The following OR2H2 variants were observed in gnomAD, a reference collection of about 807,000 sequenced individuals.
OR2H2 encodes the protein olfactory receptor 2H2.
For missense variants in OR2H2, 295 were observed against 313.7 expected, an observed-to-expected ratio of 0.94 and a Z score of 0.45; for synonymous variants, 146 against 132.4, an observed-to-expected ratio of 1.10 and a Z score of -0.71.
chr6:29,585,963 T>C (rs1460057906), intron 1 of OR2H2, among the ~76,000 whole-genome samples: 3 of 152,122 alleles, frequency 2.0e-5, no homozygotes, highest in East Asian at 1.9e-4. Context: ...TAAGAAACAA[T>C]TGGCTATTGT....
intron 1 of OR2H2, among the ~76,000 whole-genome samples, chr6:29,586,486 A>T (rs915132549): frequency 1.1e-5 from 1 of 94,550 alleles, no homozygotes; most frequent in Non-Finnish European, 2.1e-5. Context: ...ACGTGACTCT[A>T]AAAAAAAAAA....
At chr6:29,586,748 T>C (rs1233183111) in intron 1 of OR2H2, among the ~76,000 whole-genome samples, 1 of 152,194 alleles carries the variant, frequency 6.6e-6, no homozygotes, top group Non-Finnish European at 1.5e-5. Flanking sequence ...GGAGATGTGA[T>C]AGAGCTTAAT....
chr6:29,587,807 G>A lies in OR2H2; in HGVS notation c.-138G>A, dbSNP rs1192779880. ...TGGATGGTGATGAGCCTTGGAAAGG[G>A]AGGCTGGGCGAGCAGAGACAGAAGA... On this transcript the variant is annotated 5_prime_UTR_variant, in exon 2 of 2. Coordinates refer to ENST00000641840, the MANE Select transcript of OR2H2 (RefSeq NM_007160.4). 2 of 639,648 alleles carry A rather than the reference G, an allele frequency of 3.1e-6. No individual in the cohort carries two copies. Among genetic ancestry groups the A allele is most frequent in the Non-Finnish European group, 5.7e-6 (2 of 351,184 alleles). The allele number at this position is 639,648 out of a possible 1,614,324, so 39.6% of individuals were successfully genotyped here. A position where few individuals can be genotyped will look rare whatever the true frequency, so the allele number is the denominator to read the frequency against.
Position 29,587,781 on chromosome 6 carries a change from C to T in OR2H2, c.-164C>T. The T allele has an allele frequency of 1.7e-6, 1 of 594,980 alleles. No individual in the cohort carries two copies. Among genetic ancestry groups the T allele is most frequent in the South Asian group, 2.3e-5 (1 of 43,410 alleles). 36.9% of individuals were successfully genotyped at this position (594,980 alleles called of 1,614,324 possible). A position where few individuals can be genotyped will look rare whatever the true frequency, so the allele number is the denominator to read the frequency against. On this transcript the variant is annotated 5_prime_UTR_variant, in exon 2 of 2. Coordinates refer to ENST00000641840, the MANE Select transcript of OR2H2 (RefSeq NM_007160.4). ...AAGAACAGGGAATGAGAAGGAGCTG[C>T]TGGATGGTGATGAGCCTTGGAAAGG...
In OR2H2 at chr6:29,588,920, T is replaced by G. The variant is rs749839621; in HGVS notation, c.*37T>G. On this transcript the variant is annotated 3_prime_UTR_variant, in exon 2 of 2. Coordinates refer to ENST00000641840, the MANE Select transcript of OR2H2 (RefSeq NM_007160.4). ...TTAATGTGCTTTAAAAGAGAGGAGA[T>G]TCTATGTGCTTTTATCAGAAAGTTT... The G allele has an allele frequency of 1.4e-5, 11 of 758,952 alleles. No individual in the cohort carries two copies. The Admixed American group carries it at 1.8e-4, about 12-fold the overall frequency. 47.0% of individuals were successfully genotyped at this position (758,952 alleles called of 1,614,324 possible). A position where few individuals can be genotyped will look rare whatever the true frequency, so the allele number is the denominator to read the frequency against.
Position 29,588,389 on chromosome 6 carries a change from A to G in OR2H2, c.445A>G (p.Ile149Val), listed in dbSNP as rs771060150. The stretch of plus-strand genomic sequence containing the variant: ...GCAGCTGGCATCTGTGGCCTGGGTC[A>G]TTGGGCTAGTGGAGTCAGTGGTCCA... ...CWQLASVAWVIGLVESVVQTP... is the reference protein window; with the variant it reads ...CWQLASVAWVVGLVESVVQTP... The change falls in exon 2 of 2, where the codon ATT becomes GTT. Residue 149 changes from isoleucine (I) to valine (V), a missense_variant. Transcript: ENST00000641840. 6.2e-7 allele frequency: 1 copy of G among 1,611,436 alleles called. No individual in the cohort carries two copies. The highest frequency in any genetic ancestry group is 1.1e-5 in the South Asian group (1 of 91,044).
rs887677415 is a variant in OR2H2, at chr6:29,588,285, C to T, written c.341C>T (p.Thr114Ile). 8.1e-6 allele frequency: 13 copies of T among 1,606,284 alleles called. No individual in the cohort carries two copies. In the African/African-American group the frequency reaches 1.7e-4, roughly 21 times the overall value. Residue 114 changes from threonine (T) to isoleucine (I), a missense_variant, in exon 2 of 2, where the codon ACA becomes ATA. Physicochemically the swap from Thr to Ile is moderately conservative, Grantham distance 89 (BLOSUM62 -1). Coordinates refer to ENST00000641840, the MANE Select transcript of OR2H2 (RefSeq NM_007160.4). The part of the protein sequence containing the change: ...SLGTTECILL[T>I]VMAFDRYVAV... ...GGGACAACTGAGTGCATCCTCTTGACAGTGATGGCTTTTGATCGCTACGTG... is the reference window on the plus strand; with the variant it reads ...GGGACAACTGAGTGCATCCTCTTGATAGTGATGGCTTTTGATCGCTACGTG...
At position 29,588,788 on chromosome 6, in the gene OR2H2, T is replaced by C; in HGVS notation, c.844T>C (p.Ser282Pro). ...FGLFYAVGTP[S>P]LNPLIYTLRN... ...TCTCTTCTATGCAGTGGGCACTCCT[T>C]CACTTAACCCTCTCATATACACCCT... The change falls in exon 2 of 2, where the codon TCA (serine) becomes CCA (proline). Residue 282 changes from serine (S) to proline (P), a missense_variant. Physicochemically the swap from Ser to Pro is moderately conservative, Grantham distance 74. Coordinates refer to ENST00000641840, the MANE Select transcript of OR2H2 (RefSeq NM_007160.4). 1.2e-6 allele frequency: 1 copy of C among 848,542 alleles called. No individual in the cohort carries two copies. The highest frequency in any genetic ancestry group is 1.3e-5 in the South Asian group (1 of 75,888). 52.6% of individuals were successfully genotyped at this position (848,542 alleles called of 1,614,324 possible).
chr6:29,585,608 T>C (rs1562042823), intron 1 of OR2H2, among the ~76,000 whole-genome samples: 1 of 152,206 alleles, frequency 6.6e-6, no homozygotes, highest in Non-Finnish European at 1.5e-5. Context: ...TGATGGTAGC[T>C]ACTAACAGCA....
rs1582914186 is a variant in OR2H2 at position 29,588,496 on chromosome 6, A to T, written c.552A>T (p.Arg184=). The T allele has an allele frequency of 2.9e-6, 3 of 1,046,694 alleles. No homozygotes were observed. Among genetic ancestry groups the T allele is most frequent in the Non-Finnish European group, 4.5e-6 (3 of 662,828 alleles). The allele number at this position is 1,046,694 out of a possible 1,614,324, so 64.8% of individuals were successfully genotyped here. A position where few individuals can be genotyped will look rare whatever the true frequency, so the allele number is the denominator to read the frequency against. The change falls in exon 2 of 2, where the codon CGA becomes CGT. Residue 184 remains arginine, a synonymous_variant. Transcript: ENST00000641840. ...TCTGTGAGGTCCCAGCTCTAATTCG[A>T]CTCTCCTGTGAAGACACCTCCTACA... ...DFVCEVPALI[R]LSCEDTSYNE... is the part of the protein sequence containing the mutation.
At position 29,588,570 on chromosome 6, in the gene OR2H2, T is replaced by A. The variant is rs536275770; in HGVS notation, c.626T>A (p.Leu209His). Reference protein sequence around the residue: ...VASVFILVVPLSLILVSYGAI... With the variant: ...VASVFILVVPHSLILVSYGAI... ...AGTGTCTTCATCTTGGTTGTGCCTC[T>A]CAGCCTCATCCTTGTCTCTTACGGA... The change falls in exon 2 of 2, where the codon CTC (leucine) becomes CAC (histidine). Residue 209 changes from leucine to histidine, a missense_variant. Physicochemically the swap from Leu to His is moderately conservative, Grantham distance 99. Transcript: ENST00000641840. 5.3e-5 allele frequency: 53 copies of A among 1,008,650 alleles called. No individual in the cohort carries two copies. The East Asian group carries it at 1.3e-3, about 24-fold the overall frequency. 62.5% of individuals were successfully genotyped at this position (1,008,650 alleles called of 1,614,324 possible). A position where few individuals can be genotyped will look rare whatever the true frequency, so the allele number is the denominator to read the frequency against.
At chr6:29,586,245 C>T (rs1204484668) in intron 1 of OR2H2, among the ~76,000 whole-genome samples, 1 of 152,158 alleles carries the variant, frequency 6.6e-6, no homozygotes, top group Non-Finnish European at 1.5e-5. Flanking sequence ...AATCCCAGCA[C>T]TTTGGGAGGC....
At position 29,589,052 on chromosome 6, in the gene OR2H2, A is replaced by G. The variant is rs529652536; in HGVS notation, c.*169A>G. On this transcript the variant is annotated 3_prime_UTR_variant, in exon 2 of 2. Transcript: ENST00000641840. Reference sequence around the variant, plus strand: ...ATGTGTGCAAGAGACAGCGACTGAAATGTAGTAAAGGGAGGTATCTTTATG... The same window carrying G: ...ATGTGTGCAAGAGACAGCGACTGAAGTGTAGTAAAGGGAGGTATCTTTATG... 1.7e-6 allele frequency: 1 copy of G among 594,362 alleles called. No homozygotes were observed. Among genetic ancestry groups the G allele is most frequent in the Non-Finnish European group, 3.1e-6 (1 of 326,416 alleles). The allele number at this position is 594,362 out of a possible 1,614,324, so 36.8% of individuals were successfully genotyped here.
chr6:29,588,066 C>A lies in OR2H2; in HGVS notation c.122C>A (p.Thr41Lys). Residue 41 changes from threonine to lysine, a missense_variant, in exon 2 of 2, where the codon ACA becomes AAA. Physicochemically the swap from Thr to Lys is moderately conservative, Grantham distance 78. Transcript: ENST00000641840. ...TACCTCCTAACCCTAGTGGGCAACA[C>A]ACTCATCATCCTGCTGTCTGCGCTG... ...TSYLLTLVGN[T>K]LIILLSALDP... The A allele has an allele frequency of 1.1e-6, 1 of 940,816 alleles. No individual in the cohort carries two copies. The highest frequency in any genetic ancestry group is 1.8e-6 in the Non-Finnish European group (1 of 563,994). The allele number at this position is 940,816 out of a possible 1,614,324, so 58.3% of individuals were successfully genotyped here. A position where few individuals can be genotyped will look rare whatever the true frequency, so the allele number is the denominator to read the frequency against.
Position 29,588,506 on chromosome 6 carries a change from G to A in OR2H2, c.562G>A (p.Glu188Lys). ...EVPALIRLSC[E>K]DTSYNEIQVA... Reference sequence around the variant, plus strand: ...CCCAGCTCTAATTCGACTCTCCTGTGAAGACACCTCCTACAATGAGATCCA... The same window carrying A: ...CCCAGCTCTAATTCGACTCTCCTGTAAAGACACCTCCTACAATGAGATCCA... Residue 188 changes from glutamate (E) to lysine (K), a missense_variant, in exon 2 of 2, where the codon GAA becomes AAA. Transcript: ENST00000641840. 1 of 988,522 alleles carries A rather than the reference G, an allele frequency of 1.0e-6. No homozygotes were observed. The highest frequency in any genetic ancestry group is 2.4e-5 in the East Asian group (1 of 42,192). The allele number at this position is 988,522 out of a possible 1,614,324, so 61.2% of individuals were successfully genotyped here.
Position 29,587,731 on chromosome 6 carries a change from T to C in OR2H2, c.-214T>C. ...TCCAGTACATTCATGGATTCCTCAC[T>C]CTCACTAGACAATGTTTGACCAGGA... is the stretch of plus-strand genomic sequence containing the variant. On this transcript the variant is annotated 5_prime_UTR_variant, in exon 2 of 2. Coordinates refer to ENST00000641840, the MANE Select transcript of OR2H2 (RefSeq NM_007160.4). 3.8e-6 allele frequency: 2 copies of C among 527,344 alleles called. No individual in the cohort carries two copies. Among genetic ancestry groups the C allele is most frequent in the South Asian group, 6.5e-5 (2 of 30,584 alleles). The allele number at this position is 527,344 out of a possible 1,614,324, so 32.7% of individuals were successfully genotyped here. A position where few individuals can be genotyped will look rare whatever the true frequency, so the allele number is the denominator to read the frequency against.
rs1436174494 is a variant in OR2H2, at chr6:29,589,886, G to GCTTA, written c.*1004_*1007dup. On this transcript the variant is annotated 3_prime_UTR_variant, in exon 2 of 2. Transcript: ENST00000641840. ...TACACCTAACCTACCAAACATCATA[G>GCTTA]CTTAGCCTAGCCTACCTTAAACATA... 1 of 152,158 alleles carries GCTTA rather than the reference G, an allele frequency of 6.6e-6. No individual in the cohort carries two copies. Among genetic ancestry groups the GCTTA allele is most frequent in the Non-Finnish European group, 1.5e-5 (1 of 68,026 alleles). The allele number at this position is 152,158 out of a possible 1,614,324, so 9.4% of individuals were successfully genotyped here.
chr6:29,588,139 C>T lies in OR2H2; in HGVS notation c.195C>T (p.Ser65=), dbSNP rs1760407953. 1 of 1,158,856 alleles carries T rather than the reference C, an allele frequency of 8.6e-7. No homozygotes were observed. Among genetic ancestry groups the T allele is most frequent in the Admixed American group, 1.7e-5 (1 of 59,456 alleles). The allele number at this position is 1,158,856 out of a possible 1,614,324, so 71.8% of individuals were successfully genotyped here. Residue 65 remains serine (S), a synonymous_variant, in exon 2 of 2, where the codon TCC becomes TCT. Coordinates refer to ENST00000641840, the MANE Select transcript of OR2H2 (RefSeq NM_007160.4). ...SPMYFFLSNL[S]FLDLCFTTSC... is the part of the protein sequence containing the mutation. ...TGTACTTTTTCCTCTCCAACCTCTC[C>T]TTCTTGGACCTCTGTTTCACCACGA...
chr6:29,588,201 C>CA lies in OR2H2; in HGVS notation c.260dup (p.Lys88GlufsTer22). 6.6e-7 allele frequency: 1 copy of CA among 1,504,346 alleles called. No individual in the cohort carries two copies. The highest frequency in any genetic ancestry group is 2.3e-5 in the East Asian group (1 of 44,312). The allele number at this position is 1,504,346 out of a possible 1,614,324, so 93.2% of individuals were successfully genotyped here. ...CAAATGCTGGTCAACCTCTGGGGCC[C>CA]AAAGAAGACCATCAGCTTCCTGGAC... On this transcript the variant is annotated frameshift_variant, in exon 2 of 2. Coordinates refer to ENST00000641840, the MANE Select transcript of OR2H2 (RefSeq NM_007160.4). LOFTEE classifies it low-confidence loss of function (END_TRUNC).
Sources: gnomAD v4.1 joint callset for allele counts (sites outside exome capture counted in the v4.1 genomes callset) on GRCh38, gnomAD v4.1.1 for gene constraint, MANE v1.5 for transcripts, NCBI Gene and HGNC (gene_info 2026-07-23, HGNC 2026-07-21) for gene names.